The following BCL2 variants were observed in gnomAD, a reference collection of about 807,000 sequenced individuals.
The protein encoded by BCL2 is BCL2 apoptosis regulator.
A neutral mutation model predicts 14.2 loss-of-function variants in BCL2; 1 was observed. That is an observed-to-expected ratio of 0.07 (90% CI 0.02 to 0.33). The LOEUF is 0.33. Ranked by LOEUF, BCL2 falls within the 10% of genes least tolerant of loss-of-function variation. The probability of loss-of-function intolerance (pLI) is 0.99; values close to 1 mark genes in which losing one functional copy is unlikely to be tolerated. For synonymous variants in BCL2, 151 were observed against 137.2 expected, an observed-to-expected ratio of 1.10 and a Z score of -0.70; for missense variants, 247 against 305.9, an observed-to-expected ratio of 0.81 and a Z score of 1.44.
rs749745319 is a variant in BCL2, at chr18:63,318,531, G to C, written c.136C>G (p.Pro46Ala). Residue 46 changes from proline to alanine, a missense_variant, in exon 2 of 3, where the codon CCG (proline) becomes GCG (alanine). Coordinates refer to ENST00000333681, the MANE Select transcript of BCL2 (RefSeq NM_000633.3). This position sits in a 1 kb window ranked among gnomAD's most constrained non-coding sequence, Gnocchi z 7.4. ...GAAPPGAAPA[P>A]GIFSSQPGHT... is the part of the protein sequence containing the mutation. ...CCGGGCTGGGAGGAGAAGATGCCCG[G>C]TGCGGGGGCGGCCCCCGGGGGCGCG... 1.9e-6 allele frequency: 3 copies of C among 1,582,902 alleles called. No individual in the cohort carries two copies. The highest frequency in any genetic ancestry group is 2.2e-5 in the South Asian group (2 of 89,460).
At chr18:63,307,121 A>C (rs1329513114) in intron 2 of BCL2, among the ~76,000 whole-genome samples, 3 of 152,166 alleles carry the variant, frequency 2.0e-5, no homozygotes, top group Non-Finnish European at 2.9e-5. Flanking sequence ...CCACTTAAAA[A>C]CACAGAGATG....
chr18:63,163,505 A>AT (rs575595455), intron 2 of BCL2, among the ~76,000 whole-genome samples: 12 of 152,224 alleles, frequency 7.9e-5, no homozygotes, highest in Non-Finnish European at 1.5e-4. Flanking sequence ...TATTATTTTA[A>AT]TATTGCCAAA....
At chr18:63,232,352 T>C (rs1018970210) in intron 2 of BCL2, among the ~76,000 whole-genome samples, 4 of 152,074 alleles carry the variant, frequency 2.6e-5, no homozygotes, top group Non-Finnish European at 5.9e-5. Flanking sequence ...CAAAAAACAA[T>C]GTTTAAAGGC....
chr18:63,259,185 GT>G (rs1478793843), intron 2 of BCL2, among the ~76,000 whole-genome samples: 1 of 152,284 alleles, frequency 6.6e-6, no homozygotes, highest in Non-Finnish European at 1.5e-5. Flanking sequence ...CCTGCAGCCT[GT>G]AATGTGGCAA....
At chr18:63,277,597 T>TA (rs374970282) in intron 2 of BCL2, among the ~76,000 whole-genome samples, 91 of 140,574 alleles carry the variant, frequency 6.5e-4, no homozygotes, top group African/African-American at 2.3e-3. Context: ...TTTTTTAAGG[T>TA]ATTTATTAAC....
rs1038642304 is a variant in BCL2, at chr18:63,319,528, A to G, written c.-641T>C. 1.5e-4 allele frequency: 35 copies of G among 229,078 alleles called. No homozygotes were observed. The highest frequency in any genetic ancestry group is 2.8e-4 in the Non-Finnish European group (32 of 115,564). 14.2% of individuals were successfully genotyped at this position (229,078 alleles called of 1,614,324 possible). On this transcript the variant is annotated 5_prime_UTR_variant, in exon 1 of 3. Coordinates refer to ENST00000333681, the MANE Select transcript of BCL2 (RefSeq NM_000633.3). ...CCTTCTCGGCAATTTACACGCGCGC[A>G]CACACGCGCGGGCACAGGCATGAAT... is the stretch of plus-strand genomic sequence containing the variant.
chr18:63,181,090 G>A (rs1335799960), intron 2 of BCL2, among the ~76,000 whole-genome samples: 10 of 152,324 alleles, frequency 6.6e-5, no homozygotes, highest in South Asian at 2.1e-4. Flanking sequence ...ACAAGCAAGT[G>A]CAACATGCAA....
intron 2 of BCL2, among the ~76,000 whole-genome samples, chr18:63,310,439 C>T (rs767794773): frequency 2.6e-5 from 4 of 152,202 alleles, no homozygotes; most frequent in African/African-American, 7.2e-5. Context: ...TAAAACTTGT[C>T]TCAACATTAT....
chr18:63,187,781 G>A (rs1313689642), intron 2 of BCL2, among the ~76,000 whole-genome samples: 3 of 152,178 alleles, frequency 2.0e-5, no homozygotes, highest in Non-Finnish European at 4.4e-5. Context: ...TCAAAACCAG[G>A]CCAGGCTTAG....
chr18:63,257,375 T>A lies in BCL2; in HGVS notation c.585+60707A>T, dbSNP rs74929130. On this transcript the variant is annotated intron_variant, in intron 2 of 2. Transcript: ENST00000333681. ...TCAGAGCAAGCAAAGTATGCTGCCA[T>A]CTAAAATCAAATAAATGTAGATTCT... Among the ~76,000 whole-genome samples the A allele has an allele frequency of 1.6e-3, 244 of 152,356 alleles. 1 individual carries two copies. The highest frequency in any genetic ancestry group is 5.5e-3 in the African/African-American group (230 of 41,576).
intron 2 of BCL2, among the ~76,000 whole-genome samples, chr18:63,217,273 G>T (rs779346157): frequency 1.3e-5 from 2 of 152,126 alleles, no homozygotes; most frequent in Non-Finnish European, 2.9e-5. Context: ...CAAAGAAACC[G>T]AAAGGCATTC....
chr18:63,196,555 CT>C (rs375878324), intron 2 of BCL2, among the ~76,000 whole-genome samples: 5 of 151,558 alleles, frequency 3.3e-5, no homozygotes, highest in African/African-American at 7.3e-5. Context: ...TATGTATGGT[CT>C]TTTTTTTGGC....
intron 2 of BCL2, among the ~76,000 whole-genome samples, chr18:63,203,810 TGTAAA>T (rs886235318): frequency 9.9e-5 from 15 of 152,212 alleles, no homozygotes; most frequent in African/African-American, 3.1e-4. Context: ...ACAACAGAAA[TGTAAA>T]GTATTGTTAT....
At chr18:63,269,584 C>T (rs985353469) in intron 2 of BCL2, among the ~76,000 whole-genome samples, 1 of 152,080 alleles carries the variant, frequency 6.6e-6, no homozygotes, top group Non-Finnish European at 1.5e-5. Flanking sequence ...AAGAACTTTG[C>T]TTTTTTATCA....
intron 2 of BCL2, among the ~76,000 whole-genome samples, chr18:63,296,570 C>A (rs531270666): frequency 6.6e-6 from 1 of 152,150 alleles, no homozygotes; most frequent in African/African-American, 2.4e-5. Flanking sequence ...TCCCACAGTG[C>A]GGGGATTACA....
chr18:63,207,325 G>T (rs1291616427), intron 2 of BCL2, among the ~76,000 whole-genome samples: 1 of 152,226 alleles, frequency 6.6e-6, no homozygotes, highest in Non-Finnish European at 1.5e-5. Flanking sequence ...GGCTGTGGCC[G>T]TCAGTAAGTG....
intron 2 of BCL2, among the ~76,000 whole-genome samples, chr18:63,141,749 C>A (rs149819166): frequency 6.6e-6 from 1 of 152,260 alleles, no homozygotes; most frequent in Non-Finnish European, 1.5e-5. Flanking sequence ...CCCCACCCCA[C>A]GCCACTGTCC....
At chr18:63,182,444 G>A (rs955779308) in intron 2 of BCL2, among the ~76,000 whole-genome samples, 4 of 152,206 alleles carry the variant, frequency 2.6e-5, no homozygotes, top group African/African-American at 7.2e-5. Context: ...CCAGCTGACC[G>A]CATGGAGCGA....
chr18:63,153,170 T>C (rs1914691655), intron 2 of BCL2, among the ~76,000 whole-genome samples: 1 of 152,244 alleles, frequency 6.6e-6, no homozygotes, highest in South Asian at 2.1e-4. Context: ...TCAGTTCTCC[T>C]CTCGTTCTCT....
Sources: gnomAD v4.1 joint callset for allele counts (sites outside exome capture counted in the v4.1 genomes callset) on GRCh38, gnomAD v4.1.1 for gene constraint, Gnocchi (gnomAD v3.1) non-coding constraint, MANE v1.5 for transcripts, NCBI Gene and HGNC (gene_info 2026-07-23, HGNC 2026-07-21) for gene names.